CCNH: variants seen among roughly 807,000 people sequenced by gnomAD.
CCNH encodes the protein cyclin H.
A neutral mutation model predicts 41.9 loss-of-function variants in CCNH; 31 were observed. That is an observed-to-expected ratio of 0.74 (90% confidence interval 0.56 to 1.00). CCNH has a LOEUF of 1.00. Ranked by LOEUF, CCNH falls within the 50% of genes least tolerant of loss-of-function variation. The pLI is 0.00. For missense variants in CCNH, 362 were observed against 388.4 expected (o/e 0.93, Z 0.57); for synonymous variants, 138 against 136.1 (o/e 1.01, Z -0.10).
At chr5:87,373,804 A>G (rs1361117293), downstream of CCNH, among the ~76,000 whole-genome samples, 6 of 152,246 alleles carry the variant, frequency 3.9e-5, no homozygotes, top group East Asian at 9.6e-4. Context: ...TAATTTGAGT[A>G]GTGACAGTTG....
chr5:87,336,361 A>G (rs151237195), intron 9 of CCNH, among the ~76,000 whole-genome samples: 22 of 152,172 alleles, frequency 1.4e-4, no homozygotes, highest in African/African-American at 5.1e-4. Context: ...AGGTCCTGGG[A>G]GACCAAAAAG....
chr5:87,374,259 G>T (rs148984998), downstream of CCNH: 1 of 1,602,430 alleles, frequency 6.2e-7, no homozygotes, highest in East Asian at 2.3e-5. Context: ...TAGTGTCCAA[G>T]TAGCAAAAAC....
chr5:87,317,018 G>T (rs1176258458), downstream of CCNH, among the ~76,000 whole-genome samples: 2 of 152,092 alleles, frequency 1.3e-5, no homozygotes, highest in African/African-American at 4.8e-5. Flanking sequence ...GAGTAGCTGG[G>T]ATTACAGGCG....
At chr5:87,334,452 A>G (rs1287935821) in intron 9 of CCNH, among the ~76,000 whole-genome samples, 2 of 152,210 alleles carry the variant, frequency 1.3e-5, no homozygotes, top group Non-Finnish European at 2.9e-5. Flanking sequence ...ACCCTCACAG[A>G]GAAACCCAGA....
chr5:87,399,277 T>C, intron 7 of CCNH, 117 bp downstream of exon 7: 1 of 742,576 alleles, frequency 1.3e-6, no homozygotes, highest in South Asian at 1.6e-5. Flanking sequence ...AAAGAAAATC[T>C]GATTTTATGG....
chr5:87,394,231 G>A, downstream of CCNH: 1 of 1,215,942 alleles, frequency 8.2e-7, no homozygotes, highest in East Asian at 3.4e-5. Context: ...TTTGATATTA[G>A]TCACGATGGA....
chr5:87,400,016 T>C (rs1005787225), intron 6 of CCNH, among the ~76,000 whole-genome samples: 3 of 152,194 alleles, frequency 2.0e-5, no homozygotes, highest in Admixed American at 1.3e-4. Context: ...GCAAACCCTA[T>C]ACAAAAATGT....
chr5:87,378,605 C>T, upstream of CCNH: 1 of 1,445,550 alleles, frequency 6.9e-7, no homozygotes. Context: ...TAATTTGTAG[C>T]CAATTACATT....
At chr5:87,317,810 A>G (rs903043386), downstream of CCNH, among the ~76,000 whole-genome samples, 1 of 151,776 alleles carries the variant, frequency 6.6e-6, no homozygotes, top group African/African-American at 2.4e-5. Flanking sequence ...TAATTTTTGT[A>G]CATTTTGTAG....
In CCNH at chr5:87,411,231, G is replaced by A. The variant is rs761557612; in HGVS notation, c.233C>T (p.Ser78Phe). Residue 78 changes from serine (S) to phenylalanine (F), a missense_variant, in exon 2 of 9, where the codon TCT (serine) becomes TTT (phenylalanine). Physicochemically the swap from Ser to Phe is radical, Grantham distance 155. Coordinates refer to ENST00000256897, the MANE Select transcript of CCNH (RefSeq NM_001239.4). ...CSVFKPAMPR[S>F]VVGTACMYFK... ...ATCACCACTGTAACTTACCACAACA[G>A]ATCTTGGCATTGCTGGCTTAAACAC... 6.2e-7 allele frequency: 1 copy of A among 1,611,526 alleles called. No homozygotes were observed. Among genetic ancestry groups the A allele is most frequent in the Admixed American group, 1.7e-5 (1 of 59,536 alleles).
rs537712885 is a variant in CCNH at position 87,337,491 on chromosome 5, T to C, written c.*91-18594A>G. ...GACATAAGCATCTACATCATGCTTA[T>C]CTAAAATAAACATTTTCTGAAGTAA... On this transcript the variant is annotated intron_variant and NMD_transcript_variant, in intron 9 of 9. Coordinates refer to the CCNH transcript ENST00000645953. Among the ~76,000 whole-genome samples, 8 of 152,204 alleles carry C rather than the reference T, an allele frequency of 5.3e-5. No homozygotes were observed. In the East Asian group the frequency reaches 1.5e-3, roughly 29 times the overall value.
chr5:87,318,272 A>C (rs1408425029), downstream of CCNH: 1 of 152,216 alleles, frequency 6.6e-6, no homozygotes, highest in Non-Finnish European at 1.5e-5. Flanking sequence ...GGCCTGTTAG[A>C]GGAGGAGTTT....
chr5:87,317,233 C>G (rs1452621131), downstream of CCNH, among the ~76,000 whole-genome samples: 2 of 152,132 alleles, frequency 1.3e-5, no homozygotes, highest in Non-Finnish European at 1.5e-5. Flanking sequence ...ACATGGTGCT[C>G]TTATTGCAGT....
At chr5:87,353,061 T>C in intron 9 of CCNH, 1 of 893,032 alleles carries the variant, frequency 1.1e-6, no homozygotes. Flanking sequence ...AAAAATTTGC[T>C]AATTAGATAA....
At position 87,394,350 on chromosome 5, in the gene CCNH, T is replaced by C. The variant is rs1762747148; in HGVS notation, c.*96A>G. On this transcript the variant is annotated 3_prime_UTR_variant, in exon 9 of 9. Coordinates refer to ENST00000256897, the MANE Select transcript of CCNH (RefSeq NM_001239.4). ...ACAATAGAAAAGTTTTAATATATTT[T>C]ATGTTTTCACATTATACTTTTTAAA... 1 of 1,486,876 alleles carries C rather than the reference T, an allele frequency of 6.7e-7. No individual in the cohort carries two copies. The highest frequency in any genetic ancestry group is 2.2e-5 in the Admixed American group (1 of 44,478). The allele number at this position is 1,486,876 out of a possible 1,614,324, so 92.1% of individuals were successfully genotyped here. A position where few individuals can be genotyped will look rare whatever the true frequency, so the allele number is the denominator to read the frequency against.
In CCNH at chr5:87,408,050, T is replaced by C. The variant is rs1180776806; in HGVS notation, c.451A>G (p.Ile151Val). The change falls in exon 4 of 9, where the codon ATA (isoleucine) becomes GTA (valine). Residue 151 changes from isoleucine to valine, a missense_variant. Coordinates refer to ENST00000256897, the MANE Select transcript of CCNH (RefSeq NM_001239.4). ...EQILEYELLLIQQLNFHLIVH... is the reference protein window; with the variant it reads ...EQILEYELLLVQQLNFHLIVH... Reference sequence around the variant, plus strand: ...ATAAGGTGGAAATTAAGTTGCTGTATAAGAAGTAGTTCATATTCCAGTATC... The same window carrying C: ...ATAAGGTGGAAATTAAGTTGCTGTACAAGAAGTAGTTCATATTCCAGTATC... The C allele has an allele frequency of 6.2e-7, 1 of 1,613,624 alleles. No individual in the cohort carries two copies. Among genetic ancestry groups the C allele is most frequent in the Non-Finnish European group, 8.5e-7 (1 of 1,179,678 alleles).
At chr5:87,330,264 C>G (rs913932295) in intron 9 of CCNH, among the ~76,000 whole-genome samples, 1 of 151,928 alleles carries the variant, frequency 6.6e-6, no homozygotes, top group Non-Finnish European at 1.5e-5. Context: ...TTTATTACAA[C>G]AAGCTTACAA....
downstream of CCNH, chr5:87,389,360 A>G: frequency 1.2e-6 from 2 of 1,613,154 alleles, no homozygotes; most frequent in Non-Finnish European, 1.7e-6. Flanking sequence ...GAAGATTTGT[A>G]TTTCTAAATG....
At chr5:87,331,570 G>A (rs1757602567) in intron 9 of CCNH, 1 of 1,513,778 alleles carries the variant, frequency 6.6e-7, no homozygotes, top group Admixed American at 1.7e-5. Flanking sequence ...AAATATACCT[G>A]TATAATAAAG....
Sources: allele counts gnomAD v4.1 joint callset (sites outside exome capture counted in the v4.1 genomes callset), GRCh38; gene constraint gnomAD v4.1.1; transcripts MANE v1.5; gene names NCBI Gene and HGNC (gene_info 2026-07-23, HGNC 2026-07-21).